The following THSD7B variants were observed in gnomAD, a reference collection of about 807,000 sequenced individuals.
THSD7B encodes thrombospondin type 1 domain containing 7B, also known as thrombospondin type-1 domain-containing protein 7B.
A neutral mutation model predicts 213.6 loss-of-function variants in THSD7B; 138 were observed. The ratio of observed to expected loss-of-function variants is 0.65; its 90% confidence interval spans 0.56 to 0.74. The LOEUF (loss-of-function observed/expected upper bound fraction) is 0.74, where lower values mean the gene tolerates loss of function less well. Among genes scored for constraint, THSD7B ranks in the 30% least tolerant of loss-of-function variants. The pLI is 0.00. For missense variants in THSD7B, 1,931 were observed against 1,991.5 expected (o/e 0.97, Z 0.58); for synonymous variants, 742 against 687.0 (o/e 1.08, Z -1.25).
rs371206956 is a variant in THSD7B at position 137,112,486 on chromosome 2, A to G, written c.1200-2638A>G. Among the ~76,000 whole-genome samples the G allele has an allele frequency of 1.6e-4, 25 of 152,254 alleles. 2 individuals are homozygous for G. The highest frequency in any genetic ancestry group is 1.2e-3 in the Admixed American group (19 of 15,290). Reference sequence around the variant, plus strand: ...AAGTTTTTTGTTACTTTATATACAGATATAGTCATTAAACTCTTGTTTTCA... The same window carrying G: ...AAGTTTTTTGTTACTTTATATACAGGTATAGTCATTAAACTCTTGTTTTCA... On this transcript the variant is annotated intron_variant, in intron 4 of 27. Transcript: ENST00000409968.
intron 5 of THSD7B, among the ~76,000 whole-genome samples, chr2:137,119,539 C>G (rs1250724271): frequency 6.6e-6 from 1 of 152,058 alleles, no homozygotes; most frequent in Non-Finnish European, 1.5e-5. Context: ...TGTGGGAGAA[C>G]ACATGAAAAG....
intron 20 of THSD7B, among the ~76,000 whole-genome samples, chr2:137,633,726 G>A (rs1037671877): frequency 1.3e-5 from 2 of 152,104 alleles, no homozygotes; most frequent in African/African-American, 4.8e-5. Flanking sequence ...GAGAGTAGGG[G>A]GAGGAATTCT....
chr2:137,317,931 G>T (rs4954375), intron 12 of THSD7B, among the ~76,000 whole-genome samples: 35,082 of 151,938 alleles, frequency 0.23, 4,214 homozygotes, highest in Middle Eastern at 0.32. Context: ...TGTCTCTATG[G>T]GGGAGGGGGG....
chr2:137,407,636 T>C (rs1686558018), intron 13 of THSD7B, among the ~76,000 whole-genome samples: 1 of 152,078 alleles, frequency 6.6e-6, no homozygotes, highest in Admixed American at 6.5e-5. Flanking sequence ...GAAAGTCTTG[T>C]ACTCAAACTC....
chr2:137,034,305 CA>C (rs1011763129), intron 2 of THSD7B, among the ~76,000 whole-genome samples: 2 of 152,054 alleles, frequency 1.3e-5, no homozygotes, highest in African/African-American at 4.8e-5. Context: ...GGGGTTTCAC[CA>C]TGTCAGTCAG....
At chr2:137,562,545 CAT>C (rs1274872148) in intron 15 of THSD7B, among the ~76,000 whole-genome samples, 1 of 151,298 alleles carries the variant, frequency 6.6e-6, no homozygotes, top group African/African-American at 2.4e-5. Context: ...TGTAAATATT[CAT>C]AGTCAGTAAT....
At chr2:136,998,949 CA>C (rs1476570471) in intron 2 of THSD7B, among the ~76,000 whole-genome samples, 27 of 150,208 alleles carry the variant, frequency 1.8e-4, no homozygotes, top group Non-Finnish European at 2.7e-4. Flanking sequence ...CACACACACA[CA>C]CACACACACC....
At chr2:137,536,426 G>T (rs374922094) in intron 15 of THSD7B, among the ~76,000 whole-genome samples, 1 of 151,528 alleles carries the variant, frequency 6.6e-6, no homozygotes, top group African/African-American at 2.4e-5. Flanking sequence ...TGTGAAAATG[G>T]TGTTGGCCCA....
chr2:137,085,399 A>T (rs1181493465), intron 3 of THSD7B, among the ~76,000 whole-genome samples: 3 of 152,196 alleles, frequency 2.0e-5, no homozygotes, highest in African/African-American at 7.2e-5. Flanking sequence ...AAAATGAGAT[A>T]ATGTACAGAG....
chr2:137,508,673 T>C (rs1034015100), intron 15 of THSD7B, among the ~76,000 whole-genome samples: 12 of 151,838 alleles, frequency 7.9e-5, no homozygotes, highest in Middle Eastern at 3.4e-3. Context: ...ACCGGCTAAA[T>C]AAAACAATTT....
At chr2:137,224,856 G>T (rs1681459861) in intron 7 of THSD7B, among the ~76,000 whole-genome samples, 1 of 152,064 alleles carries the variant, frequency 6.6e-6, no homozygotes, top group African/African-American at 2.4e-5. Context: ...GAAACAAACA[G>T]CTCACTTGCC....
chr2:136,873,021 T>A (rs1460402233), intron 1 of THSD7B, among the ~76,000 whole-genome samples: 3 of 43,500 alleles, frequency 6.9e-5, no homozygotes, highest in East Asian at 5.9e-4. Context: ...AGACTCCATC[T>A]AAAAAAAAAA....
chr2:137,615,938 A>G (rs1039566848), intron 17 of THSD7B, among the ~76,000 whole-genome samples: 2 of 152,152 alleles, frequency 1.3e-5, no homozygotes, highest in Admixed American at 1.3e-4. Context: ...TTAATTATAT[A>G]CGGGAGATAG....
intron 4 of THSD7B, among the ~76,000 whole-genome samples, chr2:137,099,185 C>T (rs1352205486): frequency 2.0e-5 from 3 of 151,950 alleles, no homozygotes; most frequent in Non-Finnish European, 4.4e-5. Context: ...TGTGGTTGTC[C>T]CCTGTCACTG....
At chr2:136,994,460 G>A (rs1685844323) in intron 2 of THSD7B, among the ~76,000 whole-genome samples, 1 of 152,124 alleles carries the variant, frequency 6.6e-6, no homozygotes, top group African/African-American at 2.4e-5. Flanking sequence ...CCAGCTACTT[G>A]GGAGGCTGAG....
At chr2:137,636,789 A>T (rs2104857095) in intron 20 of THSD7B, among the ~76,000 whole-genome samples, 1 of 152,334 alleles carries the variant, frequency 6.6e-6, no homozygotes, top group East Asian at 1.9e-4. Context: ...AACTATTTCC[A>T]ACTAGAAACT....
chr2:137,076,668 T>A (rs762794560), intron 3 of THSD7B, among the ~76,000 whole-genome samples: 1 of 152,200 alleles, frequency 6.6e-6, no homozygotes, highest in Non-Finnish European at 1.5e-5. Flanking sequence ...AAATCACCCA[T>A]CTTCTGCGTC....
chr2:137,399,634 T>C (rs778571238), intron 12 of THSD7B, among the ~76,000 whole-genome samples: 5 of 152,186 alleles, frequency 3.3e-5, no homozygotes, highest in Non-Finnish European at 5.9e-5. Flanking sequence ...TCTTTTCTTC[T>C]TTTTGACTTT....
rs13416276 is a variant in THSD7B, at chr2:137,225,701, A to G, written c.1724-5343A>G. Among the ~76,000 whole-genome samples the G allele has an allele frequency of 2.6e-3, 391 of 152,064 alleles. 4 individuals are homozygous for G. The highest frequency in any genetic ancestry group is 9.2e-3 in the African/African-American group (379 of 41,348). On this transcript the variant is annotated intron_variant, in intron 7 of 27. Coordinates refer to ENST00000409968, the MANE Select transcript of THSD7B (RefSeq NM_001316349.2). ...TAGTCCACTCTAAGCTTTCCCAAATATCAGATGCTATTGTTATTTTACTGC... is the reference window on the plus strand; with the variant it reads ...TAGTCCACTCTAAGCTTTCCCAAATGTCAGATGCTATTGTTATTTTACTGC...
Sources: allele counts gnomAD v4.1 joint callset (sites outside exome capture counted in the v4.1 genomes callset), GRCh38; gene constraint gnomAD v4.1.1; transcripts MANE v1.5; gene names NCBI Gene and HGNC (gene_info 2026-07-23, HGNC 2026-07-21).